The following MAGI1 variants were observed in gnomAD, a reference collection of about 807,000 sequenced individuals.
MAGI1 encodes membrane associated guanylate kinase, WW and PDZ domain containing 1.
MAGI1 carries 58 observed loss-of-function variants against 139.9 expected under a neutral mutation model. The ratio of observed to expected loss-of-function variants is 0.41; its 90% CI spans 0.34 to 0.52. The LOEUF is 0.52. Among genes scored for constraint, MAGI1 ranks in the 20% least tolerant of loss-of-function variants. MAGI1 has a pLI of 0.12. For missense variants in MAGI1, 1,874 were observed against 1,901.6 expected, an observed-to-expected ratio of 0.99 and a Z score of 0.27; for synonymous variants, 812 against 737.9, an observed-to-expected ratio of 1.10 and a Z score of -1.63.
intron 1 of MAGI1, among the ~76,000 whole-genome samples, chr3:65,865,983 G>A (rs748698091): frequency 1.1e-4 from 16 of 152,036 alleles, no homozygotes; most frequent in Non-Finnish European, 2.2e-4. Context: ...CAGCTGACAT[G>A]GAATGATGTT....
chr3:65,715,042 G>A (rs1158034236), intron 1 of MAGI1, among the ~76,000 whole-genome samples: 1 of 151,888 alleles, frequency 6.6e-6, no homozygotes, highest in Non-Finnish European at 1.5e-5. Flanking sequence ...ATGGTGGGGG[G>A]TGGGATGGCC....
chr3:65,453,884 T>C (rs917837231), intron 5 of MAGI1, among the ~76,000 whole-genome samples: 1 of 152,178 alleles, frequency 6.6e-6, no homozygotes. Flanking sequence ...TTGGACATAA[T>C]GAAGGCAGCC....
At chr3:65,461,279 G>A (rs1224336187) in intron 5 of MAGI1, among the ~76,000 whole-genome samples, 2 of 151,812 alleles carry the variant, frequency 1.3e-5, no homozygotes, top group South Asian at 2.1e-4. Context: ...GCAGTGACAC[G>A]ATCTCGGCTC....
chr3:65,915,549 A>G (rs940892896), intron 1 of MAGI1, among the ~76,000 whole-genome samples: 2 of 152,150 alleles, frequency 1.3e-5, no homozygotes, highest in African/African-American at 4.8e-5. Context: ...AAATCCCTGA[A>G]GAGACTGGAC....
chr3:65,540,303 C>T (rs1369105735), intron 2 of MAGI1, among the ~76,000 whole-genome samples: 1 of 152,118 alleles, frequency 6.6e-6, no homozygotes, highest in African/African-American at 2.4e-5. Flanking sequence ...ATTCTCTATC[C>T]CCCTCACCCT....
chr3:65,797,172 G>A (rs2040199967), intron 1 of MAGI1, among the ~76,000 whole-genome samples: 1 of 152,132 alleles, frequency 6.6e-6, no homozygotes, highest in Admixed American at 6.5e-5. Flanking sequence ...GAGATACAAG[G>A]CAAGTCCAAT....
intron 1 of MAGI1, among the ~76,000 whole-genome samples, chr3:65,849,018 T>TGAGA (rs2059109756): frequency 8.5e-6 from 1 of 117,800 alleles, no homozygotes; most frequent in African/African-American, 3.2e-5. Flanking sequence ...TTTTTTTTTT[T>TGAGA]TTTTTTTTTT....
chr3:65,886,312 T>C (rs2060529395), intron 1 of MAGI1, among the ~76,000 whole-genome samples: 1 of 152,210 alleles, frequency 6.6e-6, no homozygotes, highest in Non-Finnish European at 1.5e-5. Context: ...CAAGAAAATA[T>C]TCTAAATAGC....
intron 2 of MAGI1, among the ~76,000 whole-genome samples, chr3:65,573,479 C>A (rs2081046434): frequency 6.6e-6 from 1 of 151,786 alleles, no homozygotes. Flanking sequence ...ATAAAATCCA[C>A]ATAGTCCTCT....
chr3:65,857,051 T>C (rs2059398238), intron 1 of MAGI1, among the ~76,000 whole-genome samples: 1 of 152,164 alleles, frequency 6.6e-6, no homozygotes, highest in South Asian at 2.1e-4. Flanking sequence ...ACAGAGGTAA[T>C]GGGGCTTATT....
chr3:65,632,496 CA>C (rs778519313), intron 1 of MAGI1, among the ~76,000 whole-genome samples: 2 of 152,186 alleles, frequency 1.3e-5, no homozygotes, highest in Non-Finnish European at 2.9e-5. Flanking sequence ...CAAAAACTCT[CA>C]CATCTAAAAA....
intron 1 of MAGI1, among the ~76,000 whole-genome samples, chr3:65,643,647 T>C (rs1196433164): frequency 6.6e-6 from 1 of 150,820 alleles, no homozygotes; most frequent in Non-Finnish European, 1.5e-5. Context: ...AAAAACCAAG[T>C]GGGATGAAGG....
At chr3:65,603,152 G>A (rs1052227966) in intron 2 of MAGI1, among the ~76,000 whole-genome samples, 1 of 152,018 alleles carries the variant, frequency 6.6e-6, no homozygotes, top group African/African-American at 2.4e-5. Context: ...ACCAGGCCAG[G>A]ATATTTTATG....
At chr3:65,719,017 C>CAAAAAAAAA in intron 1 of MAGI1, among the ~76,000 whole-genome samples, 1 of 96,388 alleles carries the variant, frequency 1.0e-5, no homozygotes, top group Non-Finnish European at 2.1e-5. Context: ...ATAACCCTAC[C>CAAAAAAAAA]AAAAAAAAAA....
intron 1 of MAGI1, among the ~76,000 whole-genome samples, chr3:65,695,841 G>T (rs1166505074): frequency 2.0e-5 from 3 of 152,180 alleles, no homozygotes; most frequent in African/African-American, 7.2e-5. Context: ...CTCTGTGGTT[G>T]ATTTGTGATG....
intron 1 of MAGI1, among the ~76,000 whole-genome samples, chr3:65,790,453 A>G (rs1187507170): frequency 6.6e-6 from 1 of 152,158 alleles, no homozygotes; most frequent in East Asian, 1.9e-4. Context: ...TTTTAATCCA[A>G]CCCCTTTGAA....
chr3:65,878,345 C>G (rs139372263), intron 1 of MAGI1, among the ~76,000 whole-genome samples: 1,975 of 152,056 alleles, frequency 0.013, 45 homozygotes, highest in African/African-American at 0.045. Flanking sequence ...GGTGAAACCT[C>G]GTCTCGACAG....
At chr3:65,400,472 T>C (rs1464924242) in intron 13 of MAGI1, among the ~76,000 whole-genome samples, 7 of 152,170 alleles carry the variant, frequency 4.6e-5, no homozygotes, top group Non-Finnish European at 1.0e-4. Flanking sequence ...GGCACGAGGC[T>C]GTACATTTTC....
At chr3:65,998,434 GAAGT>G (rs2107421643) in intron 1 of MAGI1, among the ~76,000 whole-genome samples, 1 of 151,896 alleles carries the variant, frequency 6.6e-6, no homozygotes, top group Admixed American at 6.5e-5. Flanking sequence ...AACATTTGCT[GAAGT>G]AACAAATGAA....
Sources: gnomAD v4.1 joint callset for allele counts (sites outside exome capture counted in the v4.1 genomes callset) on GRCh38, gnomAD v4.1.1 for gene constraint, MANE v1.5 for transcripts, NCBI Gene and HGNC (gene_info 2026-07-23, HGNC 2026-07-21) for gene names.